Variants in IFRD1 observed in about 807,000 individuals in gnomAD.
IFRD1 encodes interferon related developmental regulator 1.
IFRD1 carries 35 observed loss-of-function variants against 52.9 expected under a neutral mutation model. The observed-to-expected ratio is 0.66, with a 90% CI of 0.51 to 0.88. The LOEUF (loss-of-function observed/expected upper bound fraction) is 0.88, where lower values mean the gene tolerates loss of function less well. Among genes scored for constraint, IFRD1 ranks in the 40% least tolerant of loss-of-function variants. The pLI is 0.00. For synonymous variants in IFRD1, 184 were observed against 188.4 expected (o/e 0.98, Z 0.19); for missense variants, 517 against 550.8 (o/e 0.94, Z 0.61).
chr7:112,470,825 T>C (rs1474660702), intron 9 of IFRD1, among the ~76,000 whole-genome samples: 2 of 152,182 alleles, frequency 1.3e-5, no homozygotes, highest in African/African-American at 2.4e-5. Context: ...ACTTTATTGT[T>C]TAGGGAATAG....
rs1191043756 is a variant in IFRD1 at position 112,475,717 on chromosome 7, C to T, written c.*198C>T. The T allele has an allele frequency of 3.2e-5, 17 of 537,766 alleles. No individual in the cohort carries two copies. Among genetic ancestry groups the T allele is most frequent in the Admixed American group, 3.5e-5 (1 of 28,762 alleles). 33.3% of individuals were successfully genotyped at this position (537,766 alleles called of 1,614,324 possible). A position where few individuals can be genotyped will look rare whatever the true frequency, so the allele number is the denominator to read the frequency against. ...TAAATATTCTCTGTAAATCAGTAAA[C>T]ATGTATAAAGTATTTGTAATGTTTG... On this transcript the variant is annotated 3_prime_UTR_variant, in exon 12 of 12. Coordinates refer to ENST00000403825, the MANE Select transcript of IFRD1 (RefSeq NM_001550.4).
intron 1 of IFRD1, among the ~76,000 whole-genome samples, chr7:112,439,244 G>A (rs1037787867): frequency 6.6e-6 from 1 of 152,362 alleles, no homozygotes; most frequent in Non-Finnish European, 1.5e-5. Flanking sequence ...GTACAAAACA[G>A]CAGGTGACAA....
chr7:112,450,953 C>T, intron 1 of IFRD1, 171 bp downstream of exon 1: 2 of 656,170 alleles, frequency 3.0e-6, no homozygotes, highest in Non-Finnish European at 5.4e-6. Context: ...GGCGCTGCTC[C>T]TCGCGCGATT....
chr7:112,472,488 A>T, intron 10 of IFRD1, 141 bp downstream of exon 10: 2 of 958,178 alleles, frequency 2.1e-6, no homozygotes, highest in Non-Finnish European at 3.3e-6. Context: ...TTTTGAAAGT[A>T]GACTTGAATA....
intron 1 of IFRD1, among the ~76,000 whole-genome samples, chr7:112,429,301 T>G (rs1415942798): frequency 6.6e-6 from 1 of 152,272 alleles, no homozygotes; most frequent in Non-Finnish European, 1.5e-5. Context: ...TCACTCTGTA[T>G]CATAGTCGTT....
upstream of IFRD1, among the ~76,000 whole-genome samples, chr7:112,445,893 C>A (rs1795017473): frequency 6.6e-6 from 1 of 151,606 alleles, no homozygotes; most frequent in South Asian, 2.1e-4. Context: ...AACTACAATA[C>A]ATATTAAAAA....
chr7:112,452,458 A>C (rs1194486669), intron 1 of IFRD1: 14 of 983,080 alleles, frequency 1.4e-5, no homozygotes, highest in Non-Finnish European at 1.7e-5. Context: ...ATTTCTTACC[A>C]CTGTGTTTCA....
chr7:112,450,883 A>G, intron 1 of IFRD1, 101 bp downstream of exon 1: 1 of 829,656 alleles, frequency 1.2e-6, no homozygotes, highest in East Asian at 2.5e-5. Context: ...TCTGATGTAC[A>G]CATTTGCATT....
At chr7:112,445,744 T>G (rs1287570238), upstream of IFRD1, among the ~76,000 whole-genome samples, 1 of 152,188 alleles carries the variant, frequency 6.6e-6, no homozygotes, top group East Asian at 1.9e-4. Flanking sequence ...CCATAAACAC[T>G]CATCAGACTT....
upstream of IFRD1, chr7:112,450,405 G>T: frequency 2.1e-6 from 1 of 483,544 alleles, no homozygotes; most frequent in East Asian, 4.0e-5. Flanking sequence ...CCCGCCCACA[G>T]AGTGACGTCA....
chr7:112,450,360 G>A (rs1464031809), upstream of IFRD1: 8 of 346,742 alleles, frequency 2.3e-5, no homozygotes, highest in Non-Finnish European at 3.8e-5. Context: ...GTCCAGTGGG[G>A]AGGTGTGCAG....
chr7:112,456,108 A>G, intron 3 of IFRD1, 22 bp downstream of exon 3: 2 of 1,302,816 alleles, frequency 1.5e-6, no homozygotes, highest in African/African-American at 1.4e-5. Flanking sequence ...TGGAAACTCC[A>G]TTCTGTGTGA....
intron 8 of IFRD1, 73 bp from the exon 9 acceptor site, chr7:112,467,908 T>C: frequency 7.1e-7 from 1 of 1,406,446 alleles, no homozygotes. Flanking sequence ...TGTAGACTGT[T>C]CTTTGTTAGC....
intron 1 of IFRD1, among the ~76,000 whole-genome samples, chr7:112,433,118 C>T (rs1311878165): frequency 2.0e-5 from 3 of 152,096 alleles, no homozygotes; most frequent in African/African-American, 4.8e-5. Flanking sequence ...CCTTGCCTGC[C>T]GCCCAGACAG....
chr7:112,455,143 C>T (rs913834968), intron 1 of IFRD1, among the ~76,000 whole-genome samples: 9 of 151,448 alleles, frequency 5.9e-5, no homozygotes, highest in Admixed American at 1.3e-4. Flanking sequence ...GGATTACAGG[C>T]GGGAGCCACC....
intron 1 of IFRD1, among the ~76,000 whole-genome samples, chr7:112,426,628 C>G (rs1038758468): frequency 6.6e-6 from 1 of 152,122 alleles, no homozygotes; most frequent in African/African-American, 2.4e-5. Context: ...CCAAAGTTAA[C>G]CTAAAAAATT....
At position 112,465,147 on chromosome 7, in the gene IFRD1, C is replaced by T. The variant is rs879821420; in HGVS notation, c.906+2769C>T. ...GAGTTCTGGCCTCAAGCAATCCTCC[C>T]TCCTCCTTCCAAAGTGTTGGGATTA... On this transcript the variant is annotated intron_variant, in intron 8 of 11. Transcript: ENST00000403825. Among the ~76,000 whole-genome samples the T allele has an allele frequency of 1.2e-4, 19 of 152,224 alleles. No homozygotes were observed. In the Middle Eastern group the frequency reaches 0.01, roughly 82 times the overall value.
At chr7:112,457,134 C>A in intron 4 of IFRD1, 96 bp downstream of exon 4, 1 of 1,295,338 alleles carries the variant, frequency 7.7e-7, no homozygotes, top group Non-Finnish European at 1.1e-6. Flanking sequence ...GAACACTGGC[C>A]CACTCTTAAA....
chr7:112,466,460 G>A (rs529274567), intron 8 of IFRD1, among the ~76,000 whole-genome samples: 1 of 152,204 alleles, frequency 6.6e-6, no homozygotes, highest in African/African-American at 2.4e-5. Flanking sequence ...TTTTGTCATT[G>A]TAGGGGTGGG....
Sources: gnomAD v4.1 joint callset for allele counts (sites outside exome capture counted in the v4.1 genomes callset) on GRCh38, gnomAD v4.1.1 for gene constraint, MANE v1.5 for transcripts, NCBI Gene and HGNC (gene_info 2026-07-23, HGNC 2026-07-21) for gene names.